MALRD1: variants seen among roughly 807,000 people sequenced by gnomAD.
The protein encoded by MALRD1 is MAM and LDL receptor class A domain containing 1, also known as MAM and LDL-receptor class A domain-containing protein 1.
Under a neutral mutation model 242.1 loss-of-function variants are expected in MALRD1, and 247 were observed. The observed-to-expected ratio is 1.02, with a 90% CI of 0.92 to 1.13. The LOEUF is 1.13. Ranked by LOEUF, MALRD1 falls within the 50% of genes most tolerant of loss-of-function variation. MALRD1 has a pLI of 0.00. For missense variants in MALRD1, 2,989 were observed against 2,533.1 expected (o/e 1.18, Z -3.86); for synonymous variants, 995 against 866.6 (o/e 1.15, Z -2.60).
chr10:19,194,021 A>G (rs1279211281), intron 14 of MALRD1, among the ~76,000 whole-genome samples: 1 of 151,946 alleles, frequency 6.6e-6, no homozygotes, highest in South Asian at 2.1e-4. Context: ...TTACTATAGT[A>G]TACTGTTAAT....
chr10:19,087,995 A>C (rs1835732442), intron 3 of MALRD1, 29 bp from the exon 4 acceptor site: 1 of 1,233,230 alleles, frequency 8.1e-7, no homozygotes, highest in South Asian at 4.1e-5. Flanking sequence ...CTTTATCATA[A>C]TTGTTTGGGT....
intron 4 of MALRD1, among the ~76,000 whole-genome samples, chr10:19,088,600 T>G (rs1283734450): frequency 9.4e-6 from 1 of 106,704 alleles, no homozygotes; most frequent in Admixed American, 9.4e-5. Context: ...TTTTTTTTTA[T>G]TATACTCTAA....
At chr10:19,262,284 T>C (rs1001844306) in intron 19 of MALRD1, among the ~76,000 whole-genome samples, 1 of 152,072 alleles carries the variant, frequency 6.6e-6, no homozygotes, top group Non-Finnish European at 1.5e-5. Flanking sequence ...TATTATGAAA[T>C]AGTTAGCACA....
At chr10:19,653,228 A>G (rs2131711627) in intron 36 of MALRD1, among the ~76,000 whole-genome samples, 1 of 151,326 alleles carries the variant, frequency 6.6e-6, no homozygotes, top group African/African-American at 2.4e-5. Context: ...ACAGAGTTTC[A>G]CTCTGTCACC....
At chr10:19,232,097 G>A (rs943866122) in intron 18 of MALRD1, among the ~76,000 whole-genome samples, 3 of 151,908 alleles carry the variant, frequency 2.0e-5, no homozygotes, top group African/African-American at 7.3e-5. Flanking sequence ...TGTTATTTGT[G>A]CATTTTACTA....
intron 31 of MALRD1, among the ~76,000 whole-genome samples, chr10:19,502,862 CA>C (rs1289634055): frequency 6.6e-6 from 1 of 152,152 alleles, no homozygotes; most frequent in African/African-American, 2.4e-5. Context: ...AGAAAGTTTA[CA>C]TCTGTTGTTC....
At chr10:19,103,563 AAAT>A (rs1438079414) in intron 4 of MALRD1, among the ~76,000 whole-genome samples, 3 of 149,344 alleles carry the variant, frequency 2.0e-5, no homozygotes, top group African/African-American at 7.6e-5. Flanking sequence ...AAAAAAAAAA[AAAT>A]AAATAAAGAT....
At chr10:19,533,193 C>G (rs555126476) in intron 32 of MALRD1, among the ~76,000 whole-genome samples, 25 of 152,214 alleles carry the variant, frequency 1.6e-4, no homozygotes, top group Non-Finnish European at 2.9e-4. Flanking sequence ...TCCTTAGTTA[C>G]CCAGTTAAGT....
intron 32 of MALRD1, among the ~76,000 whole-genome samples, chr10:19,539,897 T>TGTGTGTGTGTGTGCGCGCGC (rs1365113182): frequency 2.3e-5 from 1 of 44,418 alleles, no homozygotes. Flanking sequence ...TGTGTGTGTG[T>TGTGTGTGTGTGTGCGCGCGC]GCGCGCGCGC....
chr10:19,194,990 C>T (rs1836171213), intron 14 of MALRD1, among the ~76,000 whole-genome samples: 1 of 152,124 alleles, frequency 6.6e-6, no homozygotes, highest in African/African-American at 2.4e-5. Context: ...TTTTAAATTG[C>T]ACTCCATTCT....
At chr10:19,626,337 C>T (rs1167852102) in intron 36 of MALRD1, among the ~76,000 whole-genome samples, 5 of 146,722 alleles carry the variant, frequency 3.4e-5, no homozygotes, top group Non-Finnish European at 7.5e-5. Flanking sequence ...TCTGCCAGGC[C>T]TTGGATTATT....
At chr10:19,121,909 C>T (rs1837079558) in intron 5 of MALRD1, among the ~76,000 whole-genome samples, 2 of 151,998 alleles carry the variant, frequency 1.3e-5, no homozygotes, top group African/African-American at 4.8e-5. Flanking sequence ...GAATAGTTGT[C>T]TAGGAAAGCG....
chr10:19,471,406 G>T (rs74630088), intron 29 of MALRD1, among the ~76,000 whole-genome samples: 13,411 of 151,708 alleles, frequency 0.088, 660 homozygotes, highest in Middle Eastern at 0.12. Context: ...AGGTTGCTTT[G>T]TCTAATCAGG....
intron 13 of MALRD1, among the ~76,000 whole-genome samples, chr10:19,166,640 T>A (rs1358934848): frequency 6.6e-6 from 1 of 152,182 alleles, no homozygotes; most frequent in African/African-American, 2.4e-5. Flanking sequence ...TTACCTTTAT[T>A]TGATAGTGAC....
chr10:19,377,768 A>G (rs907318162), intron 26 of MALRD1, among the ~76,000 whole-genome samples: 4 of 152,128 alleles, frequency 2.6e-5, no homozygotes, highest in African/African-American at 9.7e-5. Flanking sequence ...TTAATAGATT[A>G]TTATTTCTGA....
intron 38 of MALRD1, among the ~76,000 whole-genome samples, chr10:19,730,032 C>T (rs918144500): frequency 6.6e-5 from 10 of 152,028 alleles, no homozygotes; most frequent in African/African-American, 2.2e-4. Flanking sequence ...CCACCACGCC[C>T]GGCCTATAAG....
chr10:19,663,265 G>C (rs529967373), intron 36 of MALRD1, among the ~76,000 whole-genome samples: 8 of 152,206 alleles, frequency 5.3e-5, no homozygotes, highest in Admixed American at 2.6e-4. Context: ...TTATAAGTGA[G>C]ATCATGTGGT....
chr10:19,230,511 T>C (rs2131693781), intron 18 of MALRD1, among the ~76,000 whole-genome samples: 1 of 152,060 alleles, frequency 6.6e-6, no homozygotes, highest in South Asian at 2.1e-4. Flanking sequence ...CAACCAGATA[T>C]CACATGAACT....
chr10:19,706,841 T>A (rs1302203903), intron 38 of MALRD1, among the ~76,000 whole-genome samples: 1 of 152,086 alleles, frequency 6.6e-6, no homozygotes, highest in Non-Finnish European at 1.5e-5. Context: ...TGGAGCACCT[T>A]GAGACAGGAA....
Sources: allele counts gnomAD v4.1 joint callset (sites outside exome capture counted in the v4.1 genomes callset), GRCh38; gene constraint gnomAD v4.1.1; transcripts MANE v1.5; gene names NCBI Gene and HGNC (gene_info 2026-07-23, HGNC 2026-07-21).